WWP2: variants seen among roughly 807,000 people sequenced by gnomAD.
WWP2 encodes the protein WW domain containing E3 ubiquitin protein ligase 2.
In WWP2, 57 loss-of-function variants were observed where a neutral mutation model predicts 121.0. That is an observed-to-expected ratio of 0.47 (90% CI 0.38 to 0.59). The LOEUF is 0.59. WWP2 is among the 20% of genes least tolerant of loss of function. The pLI is 0.00. For missense variants in WWP2, 962 were observed against 1,158.9 expected (o/e 0.83, Z 2.47); for synonymous variants, 449 against 441.3 (o/e 1.02, Z -0.22).
chr16:69,786,068 G>C (rs950317673), intron 1 of WWP2: 3 of 149,404 alleles, frequency 2.0e-5, no homozygotes, highest in African/African-American at 7.4e-5. Context: ...CAGCAAACTT[G>C]CTCTACAGCT....
At chr16:69,840,290 T>C in intron 5 of WWP2, 27 bp downstream of exon 5, 1 of 1,609,226 alleles carries the variant, frequency 6.2e-7, no homozygotes, top group South Asian at 1.1e-5. Flanking sequence ...TCCTCAGGAC[T>C]GTGCCGGGAC....
intron 7 of WWP2, among the ~76,000 whole-genome samples, chr16:69,872,785 C>T (rs1315914209): frequency 2.0e-5 from 3 of 152,302 alleles, no homozygotes; most frequent in Non-Finnish European, 2.9e-5. Context: ...CGTCCACGTG[C>T]GCATGGAACT....
chr16:69,933,855 C>T (rs2058756028), intron 16 of WWP2, 115 bp from the exon 17 acceptor site: 1 of 1,267,790 alleles, frequency 7.9e-7, no homozygotes, highest in African/African-American at 1.5e-5. Flanking sequence ...GCTCGACTCC[C>T]TGGGACACGT....
chr16:69,859,946 G>A (rs2057386761), intron 6 of WWP2, among the ~76,000 whole-genome samples: 1 of 148,048 alleles, frequency 6.8e-6, no homozygotes, highest in South Asian at 2.2e-4. Flanking sequence ...CATACTCAAG[G>A]GTGTGGCACC....
chr16:69,874,158 C>G (rs1481458431), intron 7 of WWP2, among the ~76,000 whole-genome samples: 3 of 152,194 alleles, frequency 2.0e-5, no homozygotes, highest in Non-Finnish European at 4.4e-5. Context: ...TGATGTCCAT[C>G]TCTCCCCTTT....
intron 10 of WWP2, among the ~76,000 whole-genome samples, chr16:69,918,592 GT>G (rs1367845864): frequency 6.6e-6 from 1 of 152,192 alleles, no homozygotes; most frequent in Non-Finnish European, 1.5e-5. Flanking sequence ...TGCTGAAAAA[GT>G]TTGTTATCTT....
Position 69,925,476 on chromosome 16 carries a change from C to T in WWP2, c.1226C>T (p.Pro409Leu). ...TDHDPLGPLP[P>L]GWEKRQDNGR... is the part of the protein sequence containing the mutation. The stretch of plus-strand genomic sequence containing the variant: ...CATGATCCCCTGGGCCCCCTCCCTC[C>T]TGGCTGGGGTAAGTACTGAGTTCTC... Residue 409 changes from proline (P) to leucine (L), a missense_variant, in exon 11 of 24, where the codon CCT becomes CTT. By Grantham distance (98) the Pro-to-Leu change is moderately conservative. Around this residue, in one of 3 missense-constraint regions of WWP2, gnomAD observed 606 missense variants for 772.6 expected, o/e 0.78. Transcript: ENST00000359154. This position sits in a 1 kb window ranked among gnomAD's most constrained non-coding sequence, Gnocchi z 4.0. The T allele has an allele frequency of 1.2e-6, 2 of 1,614,134 alleles. No homozygotes were observed. The highest frequency in any genetic ancestry group is 3.3e-5 in the Admixed American group (2 of 60,024).
intron 9 of WWP2, 101 bp from the exon 10 acceptor site, chr16:69,917,608 A>G (rs2058495321): frequency 7.0e-7 from 1 of 1,422,358 alleles, no homozygotes; most frequent in African/African-American, 1.4e-5. Context: ...AACCTCTGTG[A>G]CAGGGCCTGC....
At chr16:69,903,173 G>C (rs961407170) in intron 8 of WWP2, among the ~76,000 whole-genome samples, 1 of 152,190 alleles carries the variant, frequency 6.6e-6, no homozygotes, top group Admixed American at 6.5e-5. Context: ...TCCAGCATCA[G>C]CCGTGATCAA....
chr16:69,866,741 T>C (rs879870377), intron 6 of WWP2, among the ~76,000 whole-genome samples: 27 of 152,192 alleles, frequency 1.8e-4, no homozygotes, highest in Non-Finnish European at 1.8e-4. Context: ...CTATTGTGAA[T>C]AATGCTGTTG....
chr16:69,937,282 G>A lies in WWP2; in HGVS notation c.2238+44G>A. 2 of 1,608,122 alleles carry A rather than the reference G, an allele frequency of 1.2e-6. No individual in the cohort carries two copies. Among genetic ancestry groups the A allele is most frequent in the Non-Finnish European group, 1.7e-6 (2 of 1,177,692 alleles). Reference sequence around the variant, plus strand: ...TGGGACCCTGAGCCCCTGCCTCTGGGGCGATCCTGCTCTGTGATACGCTCA... The same window carrying A: ...TGGGACCCTGAGCCCCTGCCTCTGGAGCGATCCTGCTCTGTGATACGCTCA... On this transcript the variant is annotated intron_variant, in intron 20 of 23. Transcript: ENST00000359154. The surrounding 1 kb of genome is among the most constrained non-coding windows in gnomAD (Gnocchi z 6.6).
chr16:69,820,409 T>G (rs1345156894), intron 4 of WWP2, among the ~76,000 whole-genome samples: 2 of 148,684 alleles, frequency 1.3e-5, no homozygotes, highest in Non-Finnish European at 3.0e-5. Flanking sequence ...GCTTGGCTAA[T>G]TTTTTTGTAT....
Position 69,841,651 on chromosome 16 carries a change from T to C in WWP2, c.479-373T>C, listed in dbSNP as rs575025897. On this transcript the variant is annotated intron_variant, in intron 5 of 23. Coordinates refer to ENST00000359154, the MANE Select transcript of WWP2 (RefSeq NM_001270454.2). Reference sequence around the variant, plus strand: ...TTGTAAAAGCTCTCTGGGTGTATTATGGAGAAATGCCCCCGATTTCTGGCC... The same window carrying C: ...TTGTAAAAGCTCTCTGGGTGTATTACGGAGAAATGCCCCCGATTTCTGGCC... 2.2e-4 allele frequency among the ~76,000 whole-genome samples: 34 copies of C among 152,208 alleles called. No individual in the cohort carries two copies. The South Asian group carries it at 5.6e-3, about 25-fold the overall frequency.
chr16:69,892,161 CT>C (rs11375021), intron 8 of WWP2, among the ~76,000 whole-genome samples: 9 of 151,856 alleles, frequency 5.9e-5, no homozygotes, highest in South Asian at 2.1e-4. Context: ...ATGATTCTCT[CT>C]TTTTTTTAAT....
intron 8 of WWP2, among the ~76,000 whole-genome samples, chr16:69,900,684 G>T (rs1017562257): frequency 1.3e-5 from 2 of 151,936 alleles, no homozygotes; most frequent in African/African-American, 4.8e-5. Context: ...CACCATGTCT[G>T]CCTAATTTTT....
chr16:69,889,735 C>T (rs530019426), intron 8 of WWP2, among the ~76,000 whole-genome samples: 15 of 152,280 alleles, frequency 9.9e-5, no homozygotes, highest in Non-Finnish European at 2.1e-4. Context: ...CACTGCCTCT[C>T]CTGGTTATCA....
intron 4 of WWP2, among the ~76,000 whole-genome samples, chr16:69,836,384 G>A (rs1723568809): frequency 1.3e-5 from 2 of 151,728 alleles, no homozygotes; most frequent in African/African-American, 4.8e-5. Context: ...TCTGGCATCT[G>A]ATTGCTTCCT....
intron 1 of WWP2, among the ~76,000 whole-genome samples, chr16:69,770,253 TGTA>T (rs1189701186): frequency 6.6e-6 from 1 of 152,110 alleles, no homozygotes; most frequent in African/African-American, 2.4e-5. Context: ...AAACCAGCCT[TGTA>T]GTTAGAGGGT....
chr16:69,922,422 G>A (rs1317269658), intron 10 of WWP2, among the ~76,000 whole-genome samples: 1 of 152,164 alleles, frequency 6.6e-6, no homozygotes. Flanking sequence ...GAGCTCTCTG[G>A]CTCATGGCCT....
Sources: allele counts gnomAD v4.1 joint callset (sites outside exome capture counted in the v4.1 genomes callset), GRCh38; gene constraint gnomAD v4.1.1; regional missense constraint gnomAD v4.1.1; non-coding constraint Gnocchi (gnomAD v3.1); transcripts MANE v1.5; gene names NCBI Gene and HGNC (gene_info 2026-07-23, HGNC 2026-07-21).